The following RAB27B variants were observed in gnomAD, a reference collection of about 807,000 sequenced individuals.
RAB27B encodes the protein RAB27B, member RAS oncogene family, also known as ras-related protein Rab-27B.
RAB27B carries 15 observed loss-of-function variants against 24.6 expected under a neutral mutation model. That is an observed-to-expected ratio of 0.61 (90% CI 0.41 to 0.94). The LOEUF is 0.94. Ranked by LOEUF, RAB27B falls within the 40% of genes least tolerant of loss-of-function variation. The probability of loss-of-function intolerance (pLI) is 0.00; values close to 1 mark genes in which losing one functional copy is unlikely to be tolerated. For synonymous variants in RAB27B, 105 were observed against 92.5 expected, an observed-to-expected ratio of 1.14 and a Z score of -0.78; for missense variants, 261 against 266.8, an observed-to-expected ratio of 0.98 and a Z score of 0.15.
chr18:54,870,895 A>T lies in RAB27B; in HGVS notation c.-19-6672A>T, dbSNP rs148868950. 1.6e-3 allele frequency among the ~76,000 whole-genome samples: 243 copies of T among 152,282 alleles called. 2 individuals are homozygous for T. The highest frequency in any genetic ancestry group is 5.7e-3 in the African/African-American group (238 of 41,576). ...GAGTTATAGGGCAGATGAAAGAAGA[A>T]TGGCCATATATTGATAATTTAGAAG... On this transcript the variant is annotated intron_variant, in intron 1 of 5. Transcript: ENST00000262094.
intron 2 of RAB27B, among the ~76,000 whole-genome samples, chr18:54,811,127 C>G (rs903822142): frequency 6.6e-6 from 1 of 152,016 alleles, no homozygotes; most frequent in Non-Finnish European, 1.5e-5. Context: ...GCTTTATCAC[C>G]TGAGTCACTC....
At chr18:54,775,218 C>T (rs1191529847) in intron 2 of RAB27B, among the ~76,000 whole-genome samples, 4 of 152,180 alleles carry the variant, frequency 2.6e-5, no homozygotes, top group African/African-American at 4.8e-5. Flanking sequence ...GCTCTGAAAT[C>T]GTGTAAGGCC....
At chr18:54,861,743 TTAAA>T (rs1234358124) in intron 1 of RAB27B, among the ~76,000 whole-genome samples, 1 of 152,182 alleles carries the variant, frequency 6.6e-6, no homozygotes, top group Admixed American at 6.5e-5. Flanking sequence ...TTTACAATAC[TTAAA>T]TTGGTGTATG....
chr18:54,879,252 C>T (rs1440670408), intron 2 of RAB27B, 117 bp from the exon 3 acceptor site: 4 of 753,760 alleles, frequency 5.3e-6, no homozygotes, highest in Admixed American at 2.0e-5. Context: ...AATATTTATT[C>T]TGCACTATGA....
At chr18:54,778,030 A>G (rs1908772003) in intron 2 of RAB27B, among the ~76,000 whole-genome samples, 1 of 152,248 alleles carries the variant, frequency 6.6e-6, no homozygotes, top group Non-Finnish European at 1.5e-5. Context: ...AGTTACAAGG[A>G]ACAATTTACA....
chr18:54,829,639 C>T (rs1192592056), intron 1 of RAB27B, among the ~76,000 whole-genome samples: 1 of 152,124 alleles, frequency 6.6e-6, no homozygotes, highest in South Asian at 2.1e-4. Context: ...TATATTCACA[C>T]ATATTCATTC....
intron 2 of RAB27B, among the ~76,000 whole-genome samples, chr18:54,819,928 T>C (rs1334659296): frequency 1.3e-5 from 2 of 152,150 alleles, no homozygotes; most frequent in African/African-American, 4.8e-5. Context: ...GCTTCATCCA[T>C]GTCCCTACAA....
intron 2 of RAB27B, among the ~76,000 whole-genome samples, chr18:54,760,851 A>T (rs1028796836): frequency 6.6e-6 from 1 of 152,188 alleles, no homozygotes; most frequent in African/African-American, 2.4e-5. Flanking sequence ...TGGAAGGGAG[A>T]TAAAGCATTA....
intron 2 of RAB27B, among the ~76,000 whole-genome samples, chr18:54,730,021 T>G: frequency 7.4e-5 from 1 of 13,454 alleles, no homozygotes; most frequent in Non-Finnish European, 4.0e-4. Context: ...ATAATTTGGG[T>G]TTTTTTAGGT....
intron 2 of RAB27B, among the ~76,000 whole-genome samples, chr18:54,786,840 A>C (rs1909102154): frequency 6.6e-6 from 1 of 152,254 alleles, no homozygotes; most frequent in Non-Finnish European, 1.5e-5. Flanking sequence ...CAGTTCAATA[A>C]GCTATTAAGC....
intron 2 of RAB27B, among the ~76,000 whole-genome samples, chr18:54,789,503 A>G (rs1386319491): frequency 6.6e-6 from 1 of 152,192 alleles, no homozygotes; most frequent in Non-Finnish European, 1.5e-5. Context: ...ATTTTGCTAC[A>G]TAAATATGTA....
chr18:54,820,734 GT>G (rs1241254224), intron 2 of RAB27B, among the ~76,000 whole-genome samples: 2 of 152,188 alleles, frequency 1.3e-5, no homozygotes, highest in Non-Finnish European at 2.9e-5. Flanking sequence ...TTCTTCTAAA[GT>G]TTTTATGGTT....
In RAB27B at chr18:54,836,024, T is replaced by C. The variant is rs148768324; in HGVS notation, c.-20+7324T>C. Among the ~76,000 whole-genome samples the C allele has an allele frequency of 3.6e-3, 544 of 152,032 alleles. 2 individuals are homozygous for C. Among genetic ancestry groups the C allele is most frequent in the Non-Finnish European group, 6.9e-3 (472 of 68,012 alleles). ...GATTACAGAGCAGCTTATATTTAGA[T>C]AAAGGTGAGGAGGAGATGAAAAATG... is the stretch of plus-strand genomic sequence containing the variant. On this transcript the variant is annotated intron_variant, in intron 1 of 5. Coordinates refer to ENST00000262094, the MANE Select transcript of RAB27B (RefSeq NM_004163.4).
intron 2 of RAB27B, among the ~76,000 whole-genome samples, chr18:54,822,804 A>G (rs1323434489): frequency 6.6e-6 from 1 of 152,220 alleles, no homozygotes; most frequent in East Asian, 1.9e-4. Context: ...AGACAGGATC[A>G]TGGCATACCC....
In RAB27B at chr18:54,765,026, G is replaced by A. The variant is rs149592550; in HGVS notation, c.-20+46885G>A. On this transcript the variant is annotated intron_variant, in intron 2 of 4. Transcript: ENST00000586570. ...ATTAACCAACATTTTTAAAATTCCC[G>A]TTTCATGCCCAGGCAGGTTGCAAGA... Among the ~76,000 whole-genome samples, 125 of 151,826 alleles carry A rather than the reference G, an allele frequency of 8.2e-4. 1 individual carries two copies. Among genetic ancestry groups the A allele is most frequent in the Non-Finnish European group, 1.8e-4 (12 of 67,972 alleles).
chr18:54,807,677 G>A (rs1909834983), intron 2 of RAB27B, among the ~76,000 whole-genome samples: 1 of 152,138 alleles, frequency 6.6e-6, no homozygotes, highest in Non-Finnish European at 1.5e-5. Context: ...TCTTGTTAGT[G>A]ATGTTTTGGT....
chr18:54,859,149 C>T (rs1911909291), intron 1 of RAB27B, among the ~76,000 whole-genome samples: 1 of 152,136 alleles, frequency 6.6e-6, no homozygotes, highest in Non-Finnish European at 1.5e-5. Flanking sequence ...TTCCGAGTGC[C>T]ACAAACTCCT....
intron 4 of RAB27B, among the ~76,000 whole-genome samples, chr18:54,884,708 T>G (rs757086673): frequency 1.3e-5 from 2 of 152,166 alleles, no homozygotes; most frequent in African/African-American, 2.4e-5. Context: ...TTTAAGATCT[T>G]TATTATTGTC....
chr18:54,808,150 A>G (rs536621422), intron 2 of RAB27B, among the ~76,000 whole-genome samples: 2 of 152,156 alleles, frequency 1.3e-5, no homozygotes, highest in Non-Finnish European at 2.9e-5. Flanking sequence ...TTAAGATTCT[A>G]CATATTGTTT....
Sources: allele counts gnomAD v4.1 joint callset (sites outside exome capture counted in the v4.1 genomes callset), GRCh38; gene constraint gnomAD v4.1.1; transcripts MANE v1.5; gene names NCBI Gene and HGNC (gene_info 2026-07-23, HGNC 2026-07-21).